Variants in CNTNAP2 observed in about 807,000 individuals in gnomAD.
The protein encoded by CNTNAP2 is contactin-associated protein-like 2.
CNTNAP2 carries 98 observed loss-of-function variants against 155.2 expected under a neutral mutation model. That is an observed-to-expected ratio of 0.63 (90% CI 0.54 to 0.75). The LOEUF (loss-of-function observed/expected upper bound fraction) is 0.75, where lower values mean the gene tolerates loss of function less well. Ranked by LOEUF, CNTNAP2 falls within the 30% of genes least tolerant of loss-of-function variation. CNTNAP2 has a pLI of 0.00. For synonymous variants in CNTNAP2, 651 were observed against 631.2 expected, an observed-to-expected ratio of 1.03 and a Z score of -0.47; for missense variants, 1,727 against 1,688.1, an observed-to-expected ratio of 1.02 and a Z score of -0.40.
At chr7:146,835,976 G>T (rs1803609083) in intron 2 of CNTNAP2, among the ~76,000 whole-genome samples, 1 of 152,122 alleles carries the variant, frequency 6.6e-6, no homozygotes, top group South Asian at 2.1e-4. Flanking sequence ...ACAACCCCAT[G>T]AAGGTATACC....
At chr7:146,502,760 C>A (rs140537401) in intron 1 of CNTNAP2, among the ~76,000 whole-genome samples, 2 of 152,024 alleles carry the variant, frequency 1.3e-5, no homozygotes, top group African/African-American at 4.8e-5. Context: ...ATGCTGCAAG[C>A]GTGCACCAAC....
rs1344490369 is a variant in CNTNAP2, at chr7:146,839,850, C to T, written c.348C>T (p.Leu116=). 1.2e-6 allele frequency: 2 copies of T among 1,614,078 alleles called. No individual in the cohort carries two copies. Among genetic ancestry groups the T allele is most frequent in the East Asian group, 2.2e-5 (1 of 44,854 alleles). The part of the protein sequence containing the change: ...SSDWVTQYRM[L]YSDTGRNWKP... ...ATTGGGTGACCCAATACCGGATGCTCTACAGCGACACAGGGAGAAACTGGA... is the reference window on the plus strand; with the variant it reads ...ATTGGGTGACCCAATACCGGATGCTTTACAGCGACACAGGGAGAAACTGGA... The change falls in exon 3 of 24, where the codon CTC becomes CTT. Residue 116 remains leucine, a synonymous_variant. Coordinates refer to ENST00000361727, the MANE Select transcript of CNTNAP2 (RefSeq NM_014141.6).
At chr7:147,671,466 C>A (rs1795785635) in intron 13 of CNTNAP2, among the ~76,000 whole-genome samples, 1 of 152,154 alleles carries the variant, frequency 6.6e-6, no homozygotes, top group African/African-American at 2.4e-5. Context: ...CAAATTATAT[C>A]TCATGAAAAG....
At chr7:147,729,563 A>C (rs536256633) in intron 13 of CNTNAP2, among the ~76,000 whole-genome samples, 5 of 30,690 alleles carry the variant, frequency 1.6e-4, no homozygotes, top group African/African-American at 2.4e-4. Flanking sequence ...GCTTTGAGGC[A>C]AAAAAAATAC....
chr7:147,817,922 AT>A (rs1301058164), intron 13 of CNTNAP2, among the ~76,000 whole-genome samples: 3 of 149,814 alleles, frequency 2.0e-5, no homozygotes, highest in Non-Finnish European at 3.0e-5. Flanking sequence ...AAAAAAAAAA[AT>A]AGCAAAGAAA....
intron 1 of CNTNAP2, among the ~76,000 whole-genome samples, chr7:146,688,097 T>C (rs539853188): frequency 3.3e-5 from 5 of 152,226 alleles, no homozygotes; most frequent in Middle Eastern, 3.4e-3. Context: ...TGACCCCACA[T>C]GGAGAGGGAA....
chr7:147,300,375 T>C, intron 9 of CNTNAP2, 85 bp downstream of exon 9: 4 of 1,457,832 alleles, frequency 2.7e-6, no homozygotes, highest in Non-Finnish European at 3.8e-6. Flanking sequence ...GTATTTATAT[T>C]TGACTCAACT....
At chr7:147,060,719 C>T (rs1584811376) in intron 4 of CNTNAP2, among the ~76,000 whole-genome samples, 2 of 152,186 alleles carry the variant, frequency 1.3e-5, no homozygotes, top group East Asian at 3.9e-4. Context: ...AAAAAATTAG[C>T]CAGGCGTGGT....
chr7:147,507,378 T>C (rs1798924632), intron 11 of CNTNAP2, among the ~76,000 whole-genome samples: 1 of 152,056 alleles, frequency 6.6e-6, no homozygotes, highest in Admixed American at 6.6e-5. Flanking sequence ...GGAGGTTGTC[T>C]CTCTTCACCC....
intron 4 of CNTNAP2, among the ~76,000 whole-genome samples, chr7:147,056,929 C>T (rs1232226336): frequency 6.6e-6 from 1 of 151,998 alleles, no homozygotes; most frequent in African/African-American, 2.4e-5. Context: ...CACCACCATC[C>T]CTAGCTTATT....
chr7:147,467,999 C>G (rs1798149765), intron 10 of CNTNAP2, among the ~76,000 whole-genome samples: 1 of 151,962 alleles, frequency 6.6e-6, no homozygotes, highest in Non-Finnish European at 1.5e-5. Flanking sequence ...GCACTGCACT[C>G]CAGCCTGAGC....
In CNTNAP2 at chr7:146,374,391, T is replaced by G. The variant is rs541297049; in HGVS notation, c.97+257418T>G. 2.0e-5 allele frequency among the ~76,000 whole-genome samples: 3 copies of G among 152,314 alleles called. No individual in the cohort carries two copies. The East Asian group carries it at 5.8e-4, about 29-fold the overall frequency. ...CTAAATGTGTTGTATATCCTTGCTG[T>G]TAAAAGATCAGTTATCCTTATACTT... On this transcript the variant is annotated intron_variant, in intron 1 of 23. Coordinates refer to ENST00000361727, the MANE Select transcript of CNTNAP2 (RefSeq NM_014141.6).
At chr7:148,320,308 C>T (rs931698047) in intron 21 of CNTNAP2, among the ~76,000 whole-genome samples, 4 of 150,362 alleles carry the variant, frequency 2.7e-5, no homozygotes, top group South Asian at 2.1e-4. Context: ...TGGCACTGGA[C>T]TATGGGCAGT....
chr7:147,763,913 C>T (rs535976891), intron 13 of CNTNAP2, among the ~76,000 whole-genome samples: 2 of 152,180 alleles, frequency 1.3e-5, no homozygotes, highest in African/African-American at 2.4e-5. Flanking sequence ...GCAGGCTCAT[C>T]TTGCTGATAA....
intron 2 of CNTNAP2, among the ~76,000 whole-genome samples, chr7:146,803,415 G>A (rs76056895): frequency 6.6e-6 from 1 of 152,260 alleles, no homozygotes; most frequent in East Asian, 1.9e-4. Context: ...AAGGGCTTAG[G>A]AGGTAAAGAA....
At chr7:147,583,082 C>G (rs1156314965) in intron 12 of CNTNAP2, among the ~76,000 whole-genome samples, 3 of 152,006 alleles carry the variant, frequency 2.0e-5, no homozygotes, top group African/African-American at 7.2e-5. Context: ...TTGTTGAAAA[C>G]CAAGAGGTGG....
intron 8 of CNTNAP2, among the ~76,000 whole-genome samples, chr7:147,260,899 T>C (rs1804450439): frequency 6.6e-6 from 1 of 152,188 alleles, no homozygotes; most frequent in Non-Finnish European, 1.5e-5. Flanking sequence ...TACTTGGCAC[T>C]CACTCCAGAA....
chr7:148,115,329 A>G (rs1045930457), intron 15 of CNTNAP2, among the ~76,000 whole-genome samples: 18 of 152,236 alleles, frequency 1.2e-4, no homozygotes, highest in African/African-American at 4.1e-4. Context: ...CATTTTAGAC[A>G]ACTGCCCTTC....
intron 20 of CNTNAP2, among the ~76,000 whole-genome samples, chr7:148,246,352 GA>G (rs1563009931): frequency 6.6e-6 from 1 of 152,124 alleles, no homozygotes; most frequent in Admixed American, 6.6e-5. Context: ...CACATAAAAT[GA>G]GTTCATTTTT....
Sources: gnomAD v4.1 joint callset for allele counts (sites outside exome capture counted in the v4.1 genomes callset) on GRCh38, gnomAD v4.1.1 for gene constraint, MANE v1.5 for transcripts, NCBI Gene and HGNC (gene_info 2026-07-23, HGNC 2026-07-21) for gene names.